CCDC7: variants seen among roughly 807,000 people sequenced by gnomAD.
CCDC7 encodes coiled-coil domain-containing protein 7.
Under a neutral mutation model 196.9 loss-of-function variants are expected in CCDC7, and 183 were observed. The observed-to-expected ratio is 0.93, with a 90% CI of 0.82 to 1.05. The LOEUF (loss-of-function observed/expected upper bound fraction) is 1.05. Among genes scored for constraint, CCDC7 ranks in the 50% least tolerant of loss-of-function variants. The pLI, the probability that CCDC7 is intolerant of heterozygous loss-of-function variation, is 0.00. For synonymous variants in CCDC7, 525 were observed against 484.6 expected (o/e 1.08, Z -1.10); for missense variants, 1,540 against 1,482.2 (o/e 1.04, Z -0.64).
chr10:32,476,441 A>G (rs545600644), intron 8 of CCDC7, among the ~76,000 whole-genome samples: 2 of 152,350 alleles, frequency 1.3e-5, no homozygotes, highest in South Asian at 4.1e-4. Flanking sequence ...TGGATTTACT[A>G]CAATTTATCC....
chr10:32,766,983 A>G (rs188885315), intron 28 of CCDC7, among the ~76,000 whole-genome samples: 1 of 152,148 alleles, frequency 6.6e-6, no homozygotes, highest in Non-Finnish European at 1.5e-5. Flanking sequence ...ATGTTTCTGT[A>G]AGGGGGATGA....
Position 32,851,541 on chromosome 10 carries a change from T to A in CCDC7, c.3896-266T>A, listed in dbSNP as rs572395966. Among the ~76,000 whole-genome samples, 15 of 152,284 alleles carry A rather than the reference T, an allele frequency of 9.9e-5. No homozygotes were observed. The South Asian group carries it at 2.9e-3, about 29-fold the overall frequency. ...ATCCTGTTACTGTTGGATAGAACAT[T>A]GTGTAATTGTCTGATAAATATGCTT... is the stretch of plus-strand genomic sequence containing the variant. On this transcript the variant is annotated intron_variant, in intron 39 of 41. Transcript: ENST00000639629.
chr10:32,870,932 C>T (rs1419280777), intron 41 of CCDC7, among the ~76,000 whole-genome samples: 1 of 152,082 alleles, frequency 6.6e-6, no homozygotes. Context: ...GCCTTGCATC[C>T]CAGGGATGAA....
chr10:32,605,361 C>T (rs1007234272), intron 18 of CCDC7, among the ~76,000 whole-genome samples: 7 of 152,146 alleles, frequency 4.6e-5, no homozygotes, highest in African/African-American at 1.4e-4. Flanking sequence ...AGGAATGGGG[C>T]GTTGCTACAA....
chr10:32,515,645 G>T (rs1413773851), intron 9 of CCDC7, among the ~76,000 whole-genome samples: 1 of 151,924 alleles, frequency 6.6e-6, no homozygotes, highest in African/African-American at 2.4e-5. Flanking sequence ...CCGGGTTCAC[G>T]CCATTCTTCT....
At chr10:32,665,797 C>T (rs2072543986) in intron 21 of CCDC7, among the ~76,000 whole-genome samples, 1 of 151,912 alleles carries the variant, frequency 6.6e-6, no homozygotes, top group African/African-American at 2.4e-5. Flanking sequence ...AACTGATGGG[C>T]ATTTTAACAA....
rs1026481771 is a variant in CCDC7 at position 32,492,003 on chromosome 10, C to G, written c.872+6C>G. 9 of 1,527,002 alleles carry G rather than the reference C, an allele frequency of 5.9e-6. No homozygotes were observed. The highest frequency in any genetic ancestry group is 4.3e-5 in the African/African-American group (3 of 70,026). 94.6% of individuals were successfully genotyped at this position (1,527,002 alleles called of 1,614,324 possible). A position where few individuals can be genotyped will look rare whatever the true frequency, so the allele number is the denominator to read the frequency against. On this transcript the variant is annotated splice_donor_region_variant and intron_variant, in intron 9 of 41. Transcript: ENST00000639629. ...CAGGCAAATATGTTGGAGAGGTAAG[C>G]TTTTTTGTTTTTGCATTTTATTATT...
intron 26 of CCDC7, 116 bp downstream of exon 27, chr10:32,726,948 CTT>C: frequency 1.5e-6 from 1 of 647,360 alleles, no homozygotes; most frequent in South Asian, 2.6e-5. Context: ...AAATCGTAGA[CTT>C]TGCCCTGAAG....
At position 32,451,864 on chromosome 10, in the gene CCDC7, A is replaced by G. The variant is rs564601002; in HGVS notation, c.222A>G (p.Thr74=). ...CTTTGCCCATTCCATCGAGTAAGAC[A>G]AAGAACTTACTACCAGAAGATGAAA... The change falls in exon 1 of 42, where the codon ACA becomes ACG. Residue 74 remains threonine, a synonymous_variant. Transcript: ENST00000639629. The G allele has an allele frequency of 6.0e-5, 97 of 1,613,620 alleles. No homozygotes were observed. The South Asian group carries it at 9.6e-4, about 16-fold the overall frequency.
At chr10:32,486,669 T>C (rs1456067230) in intron 8 of CCDC7, among the ~76,000 whole-genome samples, 1 of 79,432 alleles carries the variant, frequency 1.3e-5, no homozygotes, top group East Asian at 3.6e-4. Flanking sequence ...CTTCAGGAGC[T>C]CTTTTAGGGC....
Position 32,462,670 on chromosome 10 carries a change from C to G in CCDC7, c.457-13C>G. The G allele has an allele frequency of 7.0e-7, 1 of 1,422,686 alleles. No homozygotes were observed. 88.1% of individuals were successfully genotyped at this position (1,422,686 alleles called of 1,614,324 possible). On this transcript the variant is annotated splice_polypyrimidine_tract_variant and intron_variant, in intron 3 of 41. Transcript: ENST00000639629. ...CTAATTTTAAATGTGTTAATTAAAA[C>G]TTTATTTTTCAGATTTTGGAATCTC...
chr10:32,492,676 G>C (rs776308916), intron 9 of CCDC7, among the ~76,000 whole-genome samples: 2 of 152,028 alleles, frequency 1.3e-5, no homozygotes, highest in Admixed American at 1.3e-4. Flanking sequence ...TGGTTGCCAG[G>C]GGGTACAGGA....
chr10:32,500,356 C>T (rs1200707194), intron 9 of CCDC7, among the ~76,000 whole-genome samples: 2 of 152,004 alleles, frequency 1.3e-5, no homozygotes, highest in Non-Finnish European at 1.5e-5. Context: ...AGACGCTCCT[C>T]ACCTCCCAGA....
chr10:32,631,524 G>T (rs939845431), intron 18 of CCDC7, among the ~76,000 whole-genome samples: 1 of 152,214 alleles, frequency 6.6e-6, no homozygotes, highest in East Asian at 1.9e-4. Flanking sequence ...CTTTGCTTAT[G>T]CCAGTGCCAC....
At chr10:32,687,170 C>T (rs12241523) in intron 22 of CCDC7, among the ~76,000 whole-genome samples, 16,043 of 152,146 alleles carry the variant, frequency 0.11, 1,041 homozygotes, top group South Asian at 0.25. Context: ...TATAGGCACC[C>T]AAGGTGATAC....
At chr10:32,516,919 T>C (rs2047113595) in intron 9 of CCDC7, among the ~76,000 whole-genome samples, 1 of 152,186 alleles carries the variant, frequency 6.6e-6, no homozygotes, top group Non-Finnish European at 1.5e-5. Context: ...AAACAAAATG[T>C]CCTTAAAGTG....
intron 41 of CCDC7, among the ~76,000 whole-genome samples, chr10:32,854,831 A>C (rs2136329805): frequency 6.6e-6 from 1 of 152,296 alleles, no homozygotes; most frequent in Non-Finnish European, 1.5e-5. Flanking sequence ...CTACAGAATA[A>C]CATTTTATCA....
At chr10:32,666,924 A>G (rs1340731625) in intron 21 of CCDC7, among the ~76,000 whole-genome samples, 1 of 152,124 alleles carries the variant, frequency 6.6e-6, no homozygotes, top group Non-Finnish European at 1.5e-5. Context: ...TGGTATTTCT[A>G]GTTCTAGATC....
intron 30 of CCDC7, 32 bp downstream of exon 31, chr10:32,805,130 C>A: frequency 1.4e-6 from 2 of 1,473,208 alleles, no homozygotes; most frequent in South Asian, 1.1e-5. Flanking sequence ...TAATATTTCT[C>A]ATTTATTTTT....
Sources: gnomAD v4.1 joint callset for allele counts (sites outside exome capture counted in the v4.1 genomes callset) on GRCh38, gnomAD v4.1.1 for gene constraint, MANE v1.5 for transcripts, NCBI Gene and HGNC (gene_info 2026-07-23, HGNC 2026-07-21) for gene names.